The following GLDC variants were observed in gnomAD, a reference collection of about 807,000 sequenced individuals.
The protein encoded by GLDC is glycine decarboxylase.
GLDC carries 104 observed loss-of-function variants against 121.3 expected under a neutral mutation model. That is an observed-to-expected ratio of 0.86 (90% CI 0.73 to 1.01). The LOEUF (loss-of-function observed/expected upper bound fraction) is 1.01. Ranked by LOEUF, GLDC falls within the 50% of genes least tolerant of loss-of-function variation. The pLI, the probability that GLDC is intolerant of heterozygous loss-of-function variation, is 0.00. For synonymous variants in GLDC, 546 were observed against 480.6 expected (o/e 1.14, Z -1.78); for missense variants, 1,429 against 1,306.6 (o/e 1.09, Z -1.44).
intron 1 of GLDC, 90 bp downstream of exon 1, chr9:6,645,155 C>T (rs1366481284): frequency 7.6e-7 from 1 of 1,314,344 alleles, no homozygotes; most frequent in South Asian, 1.5e-5. Context: ...CGGAGCGCAG[C>T]AGAGCTCAGG....
At chr9:6,644,032 A>AT (rs1819683991) in intron 2 of GLDC, among the ~76,000 whole-genome samples, 1 of 142,604 alleles carries the variant, frequency 7.0e-6, no homozygotes, top group African/African-American at 2.7e-5. Context: ...TCTGTCTCAA[A>AT]AAAAAAAAAA....
At chr9:6,598,466 G>C (rs1466709575) in intron 8 of GLDC, among the ~76,000 whole-genome samples, 1 of 152,170 alleles carries the variant, frequency 6.6e-6, no homozygotes. Context: ...CATCCACGAT[G>C]CGAAACTAAG....
chr9:6,611,854 A>C (rs1818863636), intron 3 of GLDC, among the ~76,000 whole-genome samples: 1 of 152,168 alleles, frequency 6.6e-6, no homozygotes, highest in Admixed American at 6.6e-5. Context: ...ATGTGTTTCT[A>C]CATGACAAAT....
At position 6,588,647 on chromosome 9, in the gene GLDC, T is replaced by C; in HGVS notation, c.1636A>G (p.Ile546Val). Reference protein sequence around the residue: ...RYMKKLENKDISLVHSMIPLG... With the variant: ...RYMKKLENKDVSLVHSMIPLG... ...GGAATCATGCTGTGAACAAGGGAAA[T>C]GTCTTTATTTTCCAGTTTCTTCATG... Residue 546 changes from isoleucine to valine, a missense_variant, in exon 13 of 25, where the codon ATT (isoleucine) becomes GTT (valine). Transcript: ENST00000321612. 1.2e-6 allele frequency: 2 copies of C among 1,612,668 alleles called. No individual in the cohort carries two copies. The highest frequency in any genetic ancestry group is 2.2e-5 in the South Asian group (2 of 91,036).
rs1297392549 is a variant in GLDC, at chr9:6,595,079, T to C, written c.1196A>G (p.His399Arg). The change falls in exon 9 of 25, where the codon CAT becomes CGT. Residue 399 changes from histidine to arginine, a missense_variant. Coordinates refer to ENST00000321612, the MANE Select transcript of GLDC (RefSeq NM_000170.3). ...ANMAAMFAIY[H>R]GSHGLEHIAR... ...AATATGCTCCAGCCCATGGGAACCA[T>C]GGTAGATTGCAAACATGGCAGCCAT... The C allele has an allele frequency of 1.9e-6, 3 of 1,613,242 alleles. No homozygotes were observed. The highest frequency in any genetic ancestry group is 2.2e-5 in the East Asian group (1 of 44,894).
Position 6,639,668 on chromosome 9 carries a change from A to AAAAAATATATATAT in GLDC, c.334+4945_334+4946insATATATATATTTTT. 428 of 250,286 alleles carry AAAAAATATATATAT rather than the reference A, an allele frequency of 1.7e-3. 1 individual carries two copies. The highest frequency in any genetic ancestry group is 1.3e-3 in the Admixed American group (20 of 15,324). The allele number at this position is 250,286 out of a possible 1,614,324, so 15.5% of individuals were successfully genotyped here. On this transcript the variant is annotated intron_variant, in intron 2 of 24. Transcript: ENST00000321612. The stretch of plus-strand genomic sequence containing the variant: ...ATATATCTTTTCACCATAAAAAAAA[A>AAAAAATATATATAT]GTATATATATATATATATATGGACA...
rs138729169 is a variant in GLDC, at chr9:6,545,505, G to C, written c.2569+5298C>G. Among the ~76,000 whole-genome samples, 577 of 152,314 alleles carry C rather than the reference G, an allele frequency of 3.8e-3. 3 individuals carry two copies. The highest frequency in any genetic ancestry group is 0.013 in the African/African-American group (557 of 41,576). ...GAAGTTGCTCTGGATGAGTCAGTGA[G>C]TGAGTGGTGAGTGAACGGGAAGGTC... is the stretch of plus-strand genomic sequence containing the variant. On this transcript the variant is annotated intron_variant, in intron 21 of 24. Transcript: ENST00000321612.
chr9:6,636,285 C>G (rs2918176), intron 2 of GLDC, among the ~76,000 whole-genome samples: 50,932 of 149,080 alleles, frequency 0.34, 9,581 homozygotes, highest in East Asian at 0.51. Context: ...GCCTGGGTGA[C>G]ATAGTGAGAC....
At position 6,540,492 on chromosome 9, in the gene GLDC, G is replaced by A. The variant is rs1285657791; in HGVS notation, c.2570-346C>T. 9.0e-6 allele frequency: 3 copies of A among 335,096 alleles called. No homozygotes were observed. In the East Asian group the frequency reaches 2.2e-4, roughly 24 times the overall value. 20.8% of individuals were successfully genotyped at this position (335,096 alleles called of 1,614,324 possible). A position where few individuals can be genotyped will look rare whatever the true frequency, so the allele number is the denominator to read the frequency against. On this transcript the variant is annotated intron_variant, in intron 21 of 24. Transcript: ENST00000321612. ...TATTCTGCGGACATAAAATCTACTT[G>A]CAACAGTTAAATGTGTTGTATAGTC...
chr9:6,566,937 C>T lies in GLDC; in HGVS notation c.1851-1508G>A, dbSNP rs78477129. On this transcript the variant is annotated intron_variant, in intron 15 of 24. Transcript: ENST00000321612. ...GGTCTGAGTGCTACATGCCAAATGG[C>T]CAACAGTGACAGATGAAGACTTGGG... Among the ~76,000 whole-genome samples the T allele has an allele frequency of 1.8e-3, 270 of 152,190 alleles. 1 individual carries two copies. The highest frequency in any genetic ancestry group is 6.3e-3 in the African/African-American group (263 of 41,546).
chr9:6,553,072 A>G (rs946965530), intron 20 of GLDC, among the ~76,000 whole-genome samples: 3 of 152,116 alleles, frequency 2.0e-5, no homozygotes, highest in Non-Finnish European at 4.4e-5. Flanking sequence ...GAACATCCAT[A>G]TGACTCATGG....
rs554728866 is a variant in GLDC, at chr9:6,590,049, C to A, written c.1483-757G>T. 3.3e-5 allele frequency among the ~76,000 whole-genome samples: 5 copies of A among 150,408 alleles called. No homozygotes were observed. The East Asian group carries it at 9.7e-4, about 29-fold the overall frequency. ...CACCCTGGGCGACAGAGCAAGACTC[C>A]ATCTTAAAAAAAAAAAAGAAAATAT... On this transcript the variant is annotated intron_variant, in intron 11 of 24. Transcript: ENST00000321612.
At position 6,588,678 on chromosome 9, in the gene GLDC, G is replaced by C. The variant is rs1447954995; in HGVS notation, c.1605C>G (p.Val535=). The C allele has an allele frequency of 1.2e-6, 2 of 1,613,008 alleles. No homozygotes were observed. The highest frequency in any genetic ancestry group is 8.5e-7 in the Non-Finnish European group (1 of 1,179,156). The change falls in exon 13 of 25, where the codon GTC becomes GTG. Residue 535 remains valine, a synonymous_variant. Coordinates refer to ENST00000321612, the MANE Select transcript of GLDC (RefSeq NM_000170.3). ...TATTTTCCAGTTTCTTCATGTACCG[G>C]ACAATGTTTGTTTCAGAGTGGTAGC... ...FNSYHSETNI[V]RYMKKLENKD... is the part of the protein sequence containing the mutation.
intron 2 of GLDC, among the ~76,000 whole-genome samples, chr9:6,629,269 C>T (rs1018632305): frequency 2.0e-5 from 3 of 149,694 alleles, no homozygotes; most frequent in Non-Finnish European, 4.4e-5. Flanking sequence ...GGTTGGAGTG[C>T]AATGGTGCGA....
chr9:6,597,861 G>A (rs576469575), intron 8 of GLDC, among the ~76,000 whole-genome samples: 68 of 152,190 alleles, frequency 4.5e-4, no homozygotes, highest in African/African-American at 1.3e-3. Flanking sequence ...GCGTGAACCC[G>A]GGAGGCAGAG....
At chr9:6,615,146 G>A (rs2129933027) in intron 3 of GLDC, among the ~76,000 whole-genome samples, 1 of 152,268 alleles carries the variant, frequency 6.6e-6, no homozygotes, top group East Asian at 1.9e-4. Context: ...TTTTCTTAAT[G>A]CTCAAATCAG....
At chr9:6,581,004 C>T (rs1262320278) in intron 15 of GLDC, among the ~76,000 whole-genome samples, 4 of 152,174 alleles carry the variant, frequency 2.6e-5, no homozygotes, top group Non-Finnish European at 5.9e-5. Context: ...ATAAAATGAC[C>T]GTATATGAAC....
intron 4 of GLDC, among the ~76,000 whole-genome samples, chr9:6,608,724 C>G (rs189564503): frequency 2.0e-5 from 3 of 150,878 alleles, no homozygotes; most frequent in Non-Finnish European, 2.9e-5. Flanking sequence ...CCAGCCCGGG[C>G]GAAAGAGCGA....
At chr9:6,618,197 T>C (rs1227923968) in intron 3 of GLDC, among the ~76,000 whole-genome samples, 1 of 152,238 alleles carries the variant, frequency 6.6e-6, no homozygotes, top group Non-Finnish European at 1.5e-5. Context: ...TAATTCATCA[T>C]TTGAAATAAA....
Sources: gnomAD v4.1 joint callset for allele counts (sites outside exome capture counted in the v4.1 genomes callset) on GRCh38, gnomAD v4.1.1 for gene constraint, MANE v1.5 for transcripts, NCBI Gene and HGNC (gene_info 2026-07-23, HGNC 2026-07-21) for gene names.